Variants in TOX3 observed in about 807,000 individuals in gnomAD.
The protein encoded by TOX3 is TOX high mobility group box family member 3.
Under a neutral mutation model 64.3 loss-of-function variants are expected in TOX3, and 22 were observed. The observed-to-expected ratio is 0.34, with a 90% CI of 0.24 to 0.49. TOX3 has a LOEUF of 0.49. Among genes scored for constraint, TOX3 ranks in the 20% least tolerant of loss-of-function variants. TOX3 has a pLI of 0.99. For synonymous variants in TOX3, 291 were observed against 273.6 expected, an observed-to-expected ratio of 1.06 and a Z score of -0.63; for missense variants, 661 against 714.4, an observed-to-expected ratio of 0.93 and a Z score of 0.85.
rs952025181 is a variant in TOX3, at chr16:52,547,036, A to C, written c.-313T>G. On this transcript the variant is annotated 5_prime_UTR_variant, in exon 1 of 7. Transcript: ENST00000219746. Reference sequence around the variant, plus strand: ...CGCGGCGCTGGGGCCCGGGTCGGCGAGGCGAGTTCAGGTGCGCTGGGCGAG... The same window carrying C: ...CGCGGCGCTGGGGCCCGGGTCGGCGCGGCGAGTTCAGGTGCGCTGGGCGAG... 3.1e-5 allele frequency: 24 copies of C among 776,958 alleles called. No individual in the cohort carries two copies. Among genetic ancestry groups the C allele is most frequent in the Non-Finnish European group, 1.1e-5 (7 of 642,284 alleles). The allele number at this position is 776,958 out of a possible 1,614,324, so 48.1% of individuals were successfully genotyped here.
intron 1 of TOX3, among the ~76,000 whole-genome samples, chr16:52,514,217 C>T (rs1962384357): frequency 6.6e-6 from 1 of 152,196 alleles, no homozygotes; most frequent in Non-Finnish European, 1.5e-5. Flanking sequence ...GAGTCAAATC[C>T]TGGCTTACTA....
At chr16:52,440,617 A>C (rs1333163708) in intron 6 of TOX3, among the ~76,000 whole-genome samples, 1 of 152,212 alleles carries the variant, frequency 6.6e-6, no homozygotes, top group Non-Finnish European at 1.5e-5. Flanking sequence ...GTTTAAAGAC[A>C]ACAGAGTACA....
intron 1 of TOX3, among the ~76,000 whole-genome samples, chr16:52,468,887 G>A (rs1015923331): frequency 2.0e-5 from 3 of 152,222 alleles, no homozygotes; most frequent in Non-Finnish European, 4.4e-5. Context: ...TGTGAGAGGT[G>A]AGAGGGAAAA....
intron 6 of TOX3, among the ~76,000 whole-genome samples, chr16:52,441,444 A>T (rs1199171771): frequency 2.6e-5 from 4 of 152,238 alleles, no homozygotes; most frequent in Non-Finnish European, 5.9e-5. Flanking sequence ...TAAACAGCAG[A>T]TCTAGGGCTG....
chr16:52,486,630 A>G lies in TOX3; in HGVS notation c.88-18056T>C, dbSNP rs143599301. On this transcript the variant is annotated intron_variant, in intron 1 of 6. Coordinates refer to ENST00000219746, the MANE Select transcript of TOX3 (RefSeq NM_001080430.4). ...GGCCTGCTATGGCCAAGGAAGAATTATAGATATAAAGAAATTGTGGGCTGG... is the reference window on the plus strand; with the variant it reads ...GGCCTGCTATGGCCAAGGAAGAATTGTAGATATAAAGAAATTGTGGGCTGG... Among the ~76,000 whole-genome samples the G allele has an allele frequency of 5.1e-3, 783 of 152,300 alleles. 6 individuals carry two copies. The highest frequency in any genetic ancestry group is 0.018 in the African/African-American group (747 of 41,562).
chr16:52,512,986 T>C (rs1182159276), intron 1 of TOX3, among the ~76,000 whole-genome samples: 1 of 152,206 alleles, frequency 6.6e-6, no homozygotes, highest in Non-Finnish European at 1.5e-5. Flanking sequence ...TCAGATTTCT[T>C]TTTCCAATGC....
At chr16:52,530,487 C>T (rs891469400) in intron 1 of TOX3, among the ~76,000 whole-genome samples, 12 of 152,200 alleles carry the variant, frequency 7.9e-5, no homozygotes, top group African/African-American at 2.9e-4. Context: ...CAGGTGCCTG[C>T]CACCACGCCC....
chr16:52,468,868 C>T (rs1960946755), intron 1 of TOX3, among the ~76,000 whole-genome samples: 1 of 152,126 alleles, frequency 6.6e-6, no homozygotes, highest in African/African-American at 2.4e-5. Flanking sequence ...TGCTTATTGA[C>T]CTGGCATTTG....
intron 1 of TOX3, among the ~76,000 whole-genome samples, chr16:52,528,625 A>G (rs1033527593): frequency 2.0e-5 from 3 of 152,110 alleles, no homozygotes; most frequent in African/African-American, 4.8e-5. Context: ...ATTGAAACCT[A>G]TTAGACCTCT....
At chr16:52,444,661 C>G (rs1173405251) in intron 5 of TOX3, 1 of 245,486 alleles carries the variant, frequency 4.1e-6, no homozygotes, top group Non-Finnish European at 7.7e-6. Flanking sequence ...TTCTTGAGAA[C>G]AGCTGAAAAC....
At chr16:52,534,182 C>T (rs868401351) in intron 1 of TOX3, among the ~76,000 whole-genome samples, 28 of 152,188 alleles carry the variant, frequency 1.8e-4, no homozygotes, top group African/African-American at 6.7e-4. Context: ...AGTCAGGCAG[C>T]ATTAATTTTT....
At chr16:52,462,587 C>G (rs16951183) in intron 3 of TOX3, among the ~76,000 whole-genome samples, 3,585 of 152,202 alleles carry the variant, frequency 0.024, 122 homozygotes, top group African/African-American at 0.082. Context: ...ATGAGCCTCT[C>G]TGAGCATCTA....
chr16:52,439,582 C>G lies in TOX3; in HGVS notation c.1374G>C (p.Gln458His). The G allele has an allele frequency of 1.3e-6, 2 of 1,582,594 alleles. No individual in the cohort carries two copies. Among genetic ancestry groups the G allele is most frequent in the Non-Finnish European group, 1.7e-6 (2 of 1,158,954 alleles). ...QQQQQQQQMQ[Q>H]MQQQQLQQHQ... ...GCTGCTGGAGTTGCTGCTGCTGCAT[C>G]TGTTGCATCTGTTGTTGTTGCTGCT... The change falls in exon 7 of 7, where the codon CAG becomes CAC. Residue 458 changes from glutamine (Q) to histidine (H), a missense_variant. Gln to His is a conservative substitution (Grantham distance 24). Transcript: ENST00000219746.
intron 1 of TOX3, among the ~76,000 whole-genome samples, chr16:52,514,436 C>T (rs182434125): frequency 6.6e-6 from 1 of 152,318 alleles, no homozygotes. Flanking sequence ...CAACTGATGC[C>T]TAACCACTAA....
chr16:52,533,919 G>A (rs1235104824), intron 1 of TOX3, among the ~76,000 whole-genome samples: 1 of 152,186 alleles, frequency 6.6e-6, no homozygotes, highest in Non-Finnish European at 1.5e-5. Flanking sequence ...TTATCCCAGA[G>A]TAGAAGCTGC....
At chr16:52,480,266 G>T (rs1171623166) in intron 1 of TOX3, among the ~76,000 whole-genome samples, 1 of 152,150 alleles carries the variant, frequency 6.6e-6, no homozygotes, top group Non-Finnish European at 1.5e-5. Context: ...ATCAAATTCA[G>T]GTGAACCACT....
chr16:52,460,536 T>C (rs916035204), intron 3 of TOX3, among the ~76,000 whole-genome samples: 2 of 152,132 alleles, frequency 1.3e-5, no homozygotes, highest in East Asian at 1.9e-4. Context: ...GAAATAAAAA[T>C]AATCTATATG....
intron 4 of TOX3, among the ~76,000 whole-genome samples, chr16:52,447,783 A>G (rs1960205224): frequency 1.3e-5 from 2 of 152,210 alleles, no homozygotes; most frequent in South Asian, 2.1e-4. Context: ...CTTCACCTGG[A>G]GCCAAGTTTT....
rs142789789 is a variant in TOX3, at chr16:52,439,402, C to T, written c.1554G>A (p.Gln518=). Reference sequence around the variant, plus strand: ...GAGACTGGTGCTGCATGTGTTGCAGCTGCTGCAGCTGGAGGCGCTGCTGCA... The same window carrying T: ...GAGACTGGTGCTGCATGTGTTGCAGTTGCTGCAGCTGGAGGCGCTGCTGCA... ...QQLQQRLQLQ[Q]LQHMQHQSQP... The change falls in exon 7 of 7, where the codon CAG becomes CAA. Residue 518 remains glutamine (Q), a synonymous_variant. Transcript: ENST00000219746. 29 of 1,585,472 alleles carry T rather than the reference C, an allele frequency of 1.8e-5. No homozygotes were observed. In the African/African-American group the frequency reaches 3.9e-4, roughly 21 times the overall value.
Sources: allele counts gnomAD v4.1 joint callset (sites outside exome capture counted in the v4.1 genomes callset), GRCh38; gene constraint gnomAD v4.1.1; transcripts MANE v1.5; gene names NCBI Gene and HGNC (gene_info 2026-07-23, HGNC 2026-07-21).